The following COL25A1 variants were observed in gnomAD, a reference collection of about 807,000 sequenced individuals.
The protein encoded by COL25A1 is collagen alpha-1(XXV) chain.
In COL25A1, 103 loss-of-function variants were observed where a neutral mutation model predicts 128.4. The observed-to-expected ratio is 0.80, with a 90% CI of 0.68 to 0.94. The LOEUF (loss-of-function observed/expected upper bound fraction) is 0.94. Among genes scored for constraint, COL25A1 ranks in the 40% least tolerant of loss-of-function variants. The probability of loss-of-function intolerance (pLI) is 0.00; values close to 1 mark genes in which losing one functional copy is unlikely to be tolerated. For missense variants in COL25A1, 745 were observed against 840.0 expected (o/e 0.89, Z 1.40); for synonymous variants, 279 against 277.2 (o/e 1.01, Z -0.06).
chr4:108,892,058 T>C (rs1042132676), intron 16 of COL25A1, among the ~76,000 whole-genome samples: 1 of 151,700 alleles, frequency 6.6e-6, no homozygotes, highest in Admixed American at 6.6e-5. Flanking sequence ...AGTGGTAACA[T>C]GACTGCTGGA....
chr4:108,917,951 CA>C (rs1745057395), intron 13 of COL25A1, among the ~76,000 whole-genome samples: 1 of 152,078 alleles, frequency 6.6e-6, no homozygotes, highest in Admixed American at 6.6e-5. Flanking sequence ...GCAACACATC[CA>C]AAATACTTGA....
At chr4:109,274,118 A>C (rs1296007883) in intron 3 of COL25A1, among the ~76,000 whole-genome samples, 1 of 152,174 alleles carries the variant, frequency 6.6e-6, no homozygotes, top group East Asian at 1.9e-4. Flanking sequence ...GGATGGTGTC[A>C]TATTCCTTTG....
At chr4:108,859,593 C>T in intron 24 of COL25A1, 63 bp downstream of exon 24, 2 of 1,406,280 alleles carry the variant, frequency 1.4e-6, no homozygotes, top group South Asian at 2.5e-5. Context: ...TATTTGCACA[C>T]ATTACATGGG....
At chr4:108,949,364 T>A (rs1484727417) in intron 8 of COL25A1, among the ~76,000 whole-genome samples, 1 of 152,158 alleles carries the variant, frequency 6.6e-6, no homozygotes, top group Non-Finnish European at 1.5e-5. Context: ...AAAAGTTTTA[T>A]AAATATTAAC....
intron 5 of COL25A1, among the ~76,000 whole-genome samples, chr4:109,013,511 C>A (rs1013096848): frequency 1.9e-5 from 1 of 51,568 alleles, no homozygotes; most frequent in African/African-American, 2.3e-4. Flanking sequence ...TGTTCTTTCA[C>A]TCTTTGCAAT....
intron 16 of COL25A1, among the ~76,000 whole-genome samples, chr4:108,892,874 A>G (rs1741677995): frequency 6.6e-6 from 1 of 152,224 alleles, no homozygotes; most frequent in Admixed American, 6.5e-5. Context: ...AGCGGACTGA[A>G]GAATGAGTAA....
intron 11 of COL25A1, among the ~76,000 whole-genome samples, chr4:108,928,052 G>A (rs1353421490): frequency 6.6e-6 from 1 of 152,040 alleles, no homozygotes; most frequent in East Asian, 1.9e-4. Flanking sequence ...AACCCAAAAT[G>A]GAAATGATCC....
At chr4:109,197,514 T>A (rs1280950409) in intron 3 of COL25A1, among the ~76,000 whole-genome samples, 1 of 131,648 alleles carries the variant, frequency 7.6e-6, no homozygotes, top group African/African-American at 2.8e-5. Flanking sequence ...TATATAATAT[T>A]TATATATAAT....
At chr4:109,235,312 A>G (rs1779401309) in intron 3 of COL25A1, among the ~76,000 whole-genome samples, 1 of 152,164 alleles carries the variant, frequency 6.6e-6, no homozygotes. Context: ...AAATCTGGTT[A>G]ATAAGACATT....
chr4:108,973,996 C>T (rs1752176739), intron 8 of COL25A1, among the ~76,000 whole-genome samples: 2 of 152,170 alleles, frequency 1.3e-5, no homozygotes, highest in African/African-American at 4.8e-5. Flanking sequence ...TAAGGTTTAA[C>T]TGCAGCAAAA....
chr4:109,092,745 C>T lies in COL25A1; in HGVS notation c.368-42566G>A, dbSNP rs144020217. 3.3e-3 allele frequency among the ~76,000 whole-genome samples: 506 copies of T among 152,248 alleles called. 3 individuals are homozygous for T. Among genetic ancestry groups the T allele is most frequent in the African/African-American group, 0.012 (478 of 41,550 alleles). ...AATGTCTACAAGACATTGTCCAGTG[C>T]TCCCTATATGCATACTTACCTTACT... On this transcript the variant is annotated intron_variant, in intron 3 of 37. Coordinates refer to ENST00000399132, the MANE Select transcript of COL25A1 (RefSeq NM_198721.4).
chr4:109,172,009 G>T (rs1383017642), intron 3 of COL25A1, among the ~76,000 whole-genome samples: 2 of 152,128 alleles, frequency 1.3e-5, no homozygotes, highest in African/African-American at 4.8e-5. Context: ...CCTTCAAGGG[G>T]TTAGGACCTG....
At chr4:109,009,992 T>C (rs1471437075) in intron 6 of COL25A1, among the ~76,000 whole-genome samples, 1 of 152,228 alleles carries the variant, frequency 6.6e-6, no homozygotes, top group Non-Finnish European at 1.5e-5. Flanking sequence ...AATCAGAGTC[T>C]GCAGGGATTC....
chr4:109,213,144 T>C (rs945635495), intron 3 of COL25A1, among the ~76,000 whole-genome samples: 2 of 152,176 alleles, frequency 1.3e-5, no homozygotes, highest in African/African-American at 4.8e-5. Flanking sequence ...AGAATACTAA[T>C]TATTAAATCA....
chr4:108,832,974 A>AATAAATAAATAAATACATAAATAC (rs1553944782), intron 31 of COL25A1, among the ~76,000 whole-genome samples: 2 of 110,072 alleles, frequency 1.8e-5, no homozygotes, highest in African/African-American at 3.8e-5. Context: ...CTCAAAAAAT[A>AATAAATAAATAAATACATAAATAC]ATAAATAAAT....
chr4:109,060,887 T>C (rs982862847), intron 3 of COL25A1, among the ~76,000 whole-genome samples: 4 of 152,184 alleles, frequency 2.6e-5, no homozygotes, highest in African/African-American at 9.7e-5. Context: ...TGTCCCTTTG[T>C]TTTCAATCCC....
At chr4:108,937,145 T>C (rs1747515302) in intron 11 of COL25A1, among the ~76,000 whole-genome samples, 2 of 152,020 alleles carry the variant, frequency 1.3e-5, no homozygotes, top group Non-Finnish European at 1.5e-5. Flanking sequence ...GTTCACATCA[T>C]AACATAGATT....
Position 109,050,125 on chromosome 4 carries a change from A to G in COL25A1, c.412+10T>C, listed in dbSNP as rs201165988. 1 of 1,608,076 alleles carries G rather than the reference A, an allele frequency of 6.2e-7. No homozygotes were observed. The highest frequency in any genetic ancestry group is 8.5e-7 in the Non-Finnish European group (1 of 1,175,934). ...ATGAGTGACACAGAGCAGCTGAAAG[A>G]GAGACTTACCAGATTCTCCTCTTCG... On this transcript the variant is annotated intron_variant, in intron 4 of 37. Transcript: ENST00000399132.
chr4:109,000,652 A>C (rs1163372585), intron 6 of COL25A1, among the ~76,000 whole-genome samples: 1 of 145,898 alleles, frequency 6.9e-6, no homozygotes, highest in African/African-American at 2.5e-5. Context: ...AGGCTGAGGC[A>C]GGAGAATAAT....
Sources: gnomAD v4.1 joint callset for allele counts (sites outside exome capture counted in the v4.1 genomes callset) on GRCh38, gnomAD v4.1.1 for gene constraint, MANE v1.5 for transcripts, NCBI Gene and HGNC (gene_info 2026-07-23, HGNC 2026-07-21) for gene names.